SORL1: variants seen among roughly 807,000 people sequenced by gnomAD.
SORL1 encodes sortilin-related receptor.
Under a neutral mutation model 273.7 loss-of-function variants are expected in SORL1, and 127 were observed. The observed-to-expected ratio is 0.46, with a 90% CI of 0.40 to 0.54. SORL1 has a LOEUF of 0.54. Among genes scored for constraint, SORL1 ranks in the 20% least tolerant of loss-of-function variants. SORL1 has a pLI of 0.00. For missense variants in SORL1, 2,494 were observed against 2,846.1 expected (o/e 0.88, Z 2.81); for synonymous variants, 1,031 against 1,067.4 (o/e 0.97, Z 0.66).
At chr11:121,501,652 G>C (rs1861709802) in intron 6 of SORL1, among the ~76,000 whole-genome samples, 1 of 152,192 alleles carries the variant, frequency 6.6e-6, no homozygotes, top group Non-Finnish European at 1.5e-5. Flanking sequence ...AGTGTGTGCA[G>C]GGGAACTGCC....
intron 32 of SORL1, among the ~76,000 whole-genome samples, chr11:121,602,738 C>T (rs1434140826): frequency 1.3e-5 from 2 of 152,170 alleles, no homozygotes; most frequent in Non-Finnish European, 2.9e-5. Context: ...AACTTTGTTA[C>T]TTGTGTGTAC....
rs495925 is a variant in SORL1 at position 121,550,425 on chromosome 11, G to C, written c.2181-160G>C. ...TGGGCCTGCCTAGTCTAATTATAAG[G>C]AGAACTGACTCAGAACTACGAACAT... On this transcript the variant is annotated intron_variant, in intron 15 of 47. Transcript: ENST00000260197. This position sits in a 1 kb window ranked among gnomAD's most constrained non-coding sequence, Gnocchi z 5.3. Among the ~76,000 whole-genome samples the C allele has an allele frequency of 0.98, 149,947 of 152,338 alleles. 73,851 individuals carry two copies. Among genetic ancestry groups the C allele is most frequent in the East Asian group, 1 (5,180 of 5,180 alleles).
intron 3 of SORL1, among the ~76,000 whole-genome samples, chr11:121,479,087 A>C (rs1861330803): frequency 6.6e-6 from 1 of 152,158 alleles, no homozygotes; most frequent in African/African-American, 2.4e-5. Flanking sequence ...GATATGGAAA[A>C]GAAAACCAAG....
intron 8 of SORL1, among the ~76,000 whole-genome samples, 170 bp downstream of exon 8, chr11:121,514,491 G>T (rs1861923154): frequency 6.6e-6 from 1 of 152,182 alleles, no homozygotes; most frequent in Non-Finnish European, 1.5e-5. Context: ...ATGGGTTTGG[G>T]GTGTGGCCAG....
At chr11:121,564,078 G>T (rs1233217478) in intron 21 of SORL1, among the ~76,000 whole-genome samples, 1 of 152,168 alleles carries the variant, frequency 6.6e-6, no homozygotes, top group Non-Finnish European at 1.5e-5. Flanking sequence ...ATCTTCTAAG[G>T]GAATGTCTTT....
At chr11:121,553,626 C>CT (rs1268180693) in intron 16 of SORL1, among the ~76,000 whole-genome samples, 1 of 152,212 alleles carries the variant, frequency 6.6e-6, no homozygotes, top group Non-Finnish European at 1.5e-5. Flanking sequence ...GACTTGAAGA[C>CT]TGGCAGGCTT....
At position 121,550,532 on chromosome 11, in the gene SORL1, T is replaced by C. The variant is rs1223680374; in HGVS notation, c.2181-53T>C. 6.6e-7 allele frequency: 1 copy of C among 1,524,410 alleles called. No individual in the cohort carries two copies. Among genetic ancestry groups the C allele is most frequent in the Admixed American group, 1.7e-5 (1 of 59,698 alleles). 94.4% of individuals were successfully genotyped at this position (1,524,410 alleles called of 1,614,324 possible). A position where few individuals can be genotyped will look rare whatever the true frequency, so the allele number is the denominator to read the frequency against. ...AAGTGTATTCCCAGCTGGGATGCCT[T>C]TGTGGCTATTCTTCCATGTTTCTGA... On this transcript the variant is annotated intron_variant, in intron 15 of 47. Coordinates refer to ENST00000260197, the MANE Select transcript of SORL1 (RefSeq NM_003105.6). The surrounding 1 kb of genome is among the most constrained non-coding windows in gnomAD (Gnocchi z 5.3).
At position 121,612,748 on chromosome 11, in the gene SORL1, G is replaced by A; in HGVS notation, c.5335G>A (p.Val1779Met). 1 of 1,614,000 alleles carries A rather than the reference G, an allele frequency of 6.2e-7. No homozygotes were observed. Among genetic ancestry groups the A allele is most frequent in the Non-Finnish European group, 8.5e-7 (1 of 1,179,892 alleles). The change falls in exon 40 of 48, where the codon GTG becomes ATG. Residue 1779 changes from valine (V) to methionine (M), a missense_variant. By Grantham distance (21) the Val-to-Met change is conservative (BLOSUM62 1). Around this residue, in one of 3 missense-constraint regions of SORL1, gnomAD observed 1,609 missense variants for 1,816.4 expected, o/e 0.89. Transcript: ENST00000260197. ...TGGTTCTCGGCAGGTGAATGGCTAT[G>A]TGGTGAACCTTTTCTGGGCATTTGA... ...MESDIKVNGY[V>M]VNLFWAFDTH...
chr11:121,513,024 C>T lies in SORL1; in HGVS notation c.961C>T (p.Gln321Ter). The change falls in exon 7 of 48, where the codon CAG (glutamine) becomes TAG (stop). Residue 321 changes from glutamine to a stop codon, truncating the protein, a stop_gained. Coordinates refer to ENST00000260197, the MANE Select transcript of SORL1 (RefSeq NM_003105.6). LOFTEE classifies it high-confidence loss of function. ...GCAGCATCTCTTGGGCAGTGAACAG[C>T]AGTCTTCTGTCCAGCTCTGGGTCTC... ...KVVHLLGSEQ[Q>*]SSVQLWVSFG... The T allele has an allele frequency of 1.2e-6, 2 of 1,613,926 alleles. No individual in the cohort carries two copies. Among genetic ancestry groups the T allele is most frequent in the Non-Finnish European group, 1.7e-6 (2 of 1,179,808 alleles).
In SORL1 at chr11:121,452,978, AC is replaced by A. The variant is rs1476869006; in HGVS notation, c.285+365del. 4.8e-6 allele frequency: 1 copy of A among 207,134 alleles called. No individual in the cohort carries two copies. Among genetic ancestry groups the A allele is most frequent in the East Asian group, 1.0e-4 (1 of 9,584 alleles). The allele number at this position is 207,134 out of a possible 1,614,324, so 12.8% of individuals were successfully genotyped here. On this transcript the variant is annotated intron_variant, in intron 1 of 47. Transcript: ENST00000260197. This position sits in a 1 kb window ranked among gnomAD's most constrained non-coding sequence, Gnocchi z 5.3. ...TCATCAGTTGGCAGTGGAGGCGAGC[AC>A]CCTGCAGTTGCGGTACACTTACACA...
intron 37 of SORL1, among the ~76,000 whole-genome samples, chr11:121,607,662 G>T (rs534581231): frequency 6.6e-6 from 1 of 152,320 alleles, no homozygotes; most frequent in South Asian, 2.1e-4. Flanking sequence ...CTGATTTTAT[G>T]AGGTTCTTAT....
intron 3 of SORL1, among the ~76,000 whole-genome samples, chr11:121,481,186 C>T (rs1310893820): frequency 2.9e-4 from 30 of 105,084 alleles, no homozygotes; most frequent in South Asian, 6.9e-4. Flanking sequence ...TAGGCAGGCT[C>T]CATCTCCTCC....
At chr11:121,531,668 C>A (rs553303973) in intron 11 of SORL1, among the ~76,000 whole-genome samples, 4 of 152,208 alleles carry the variant, frequency 2.6e-5, no homozygotes, top group Non-Finnish European at 5.9e-5. Context: ...GTTTAACTCT[C>A]AGTTCAGTAT....
At chr11:121,476,984 G>A (rs561333094) in intron 2 of SORL1, among the ~76,000 whole-genome samples, 1 of 151,798 alleles carries the variant, frequency 6.6e-6, no homozygotes, top group Non-Finnish European at 1.5e-5. Context: ...TAGATATAGG[G>A]TCTCACTCTG....
Position 121,612,731 on chromosome 11 carries a change from G to A in SORL1, c.5323-5G>A, listed in dbSNP as rs755250524. 6.2e-6 allele frequency: 10 copies of A among 1,612,520 alleles called. No homozygotes were observed. Among genetic ancestry groups the A allele is most frequent in the Middle Eastern group, 1.6e-4 (1 of 6,078 alleles). On this transcript the variant is annotated splice_region_variant and splice_polypyrimidine_tract_variant and intron_variant, in intron 39 of 47. Transcript: ENST00000260197. ...TCATCTAACATGCTTCTTGGTTCTC[G>A]GCAGGTGAATGGCTATGTGGTGAAC...
chr11:121,457,403 T>C (rs534413186), intron 1 of SORL1, among the ~76,000 whole-genome samples: 1 of 152,318 alleles, frequency 6.6e-6, no homozygotes, highest in East Asian at 1.9e-4. Flanking sequence ...GCATCCGTTG[T>C]TATCAATATT....
chr11:121,519,995 A>G (rs974677437), intron 8 of SORL1, among the ~76,000 whole-genome samples: 10 of 152,232 alleles, frequency 6.6e-5, no homozygotes, highest in Non-Finnish European at 1.2e-4. Context: ...TCATGCCTGT[A>G]ATCCCAGCAC....
chr11:121,549,936 A>T (rs1411307684), intron 14 of SORL1, 24 bp from the exon 15 acceptor site: 1 of 1,611,552 alleles, frequency 6.2e-7, no homozygotes, highest in Non-Finnish European at 8.5e-7. Flanking sequence ...CCGTGGCCTT[A>T]ACAAAGCCCA....
At chr11:121,473,073 G>A (rs934274037) in intron 2 of SORL1, among the ~76,000 whole-genome samples, 1 of 152,188 alleles carries the variant, frequency 6.6e-6, no homozygotes, top group East Asian at 1.9e-4. Flanking sequence ...CTGTGTTAAA[G>A]GATTGGCAGA....
Sources: allele counts gnomAD v4.1 joint callset (sites outside exome capture counted in the v4.1 genomes callset), GRCh38; gene constraint gnomAD v4.1.1; regional missense constraint gnomAD v4.1.1; non-coding constraint Gnocchi (gnomAD v3.1); transcripts MANE v1.5; gene names NCBI Gene and HGNC (gene_info 2026-07-23, HGNC 2026-07-21).